OLFM2: variants seen among roughly 807,000 people sequenced by gnomAD.
The protein encoded by OLFM2 is olfactomedin 2.
In OLFM2, 20 loss-of-function variants were observed where a neutral mutation model predicts 43.9. The observed-to-expected ratio is 0.46, with a 90% confidence interval of 0.32 to 0.66. The LOEUF (loss-of-function observed/expected upper bound fraction) is 0.66. OLFM2 is among the 30% of genes least tolerant of loss of function. OLFM2 has a pLI of 0.04. For missense variants in OLFM2, 416 were observed against 643.6 expected, an observed-to-expected ratio of 0.65 and a Z score of 3.83; for synonymous variants, 268 against 278.6, an observed-to-expected ratio of 0.96 and a Z score of 0.38.
chr19:9,925,924 C>T (rs2086449546), intron 1 of OLFM2, among the ~76,000 whole-genome samples: 1 of 150,366 alleles, frequency 6.7e-6, no homozygotes, highest in Admixed American at 6.6e-5. Flanking sequence ...TGCTTCAGGC[C>T]AGGAGTTGAA....
chr19:9,928,818 G>A (rs890258811), intron 1 of OLFM2, among the ~76,000 whole-genome samples: 5 of 149,578 alleles, frequency 3.3e-5, no homozygotes, highest in South Asian at 2.1e-4. Flanking sequence ...AAAAAAAAAA[G>A]AGAGAAAGAG....
At chr19:9,927,443 C>T (rs895986486) in intron 1 of OLFM2, among the ~76,000 whole-genome samples, 2 of 152,126 alleles carry the variant, frequency 1.3e-5, no homozygotes. Context: ...TTCCCATTTC[C>T]AGAAACTTCC....
chr19:9,889,335 A>G (rs1405996930), intron 1 of OLFM2, among the ~76,000 whole-genome samples: 6 of 151,834 alleles, frequency 4.0e-5, no homozygotes, highest in East Asian at 1.9e-4. Flanking sequence ...CACAGTGTCA[A>G]TCTCCCAGGC....
At chr19:9,892,275 G>A (rs563241770) in intron 1 of OLFM2, among the ~76,000 whole-genome samples, 76 of 152,248 alleles carry the variant, frequency 5.0e-4, no homozygotes, top group Admixed American at 4.5e-3. Context: ...CCTATATGGA[G>A]TGGGGGCATC....
chr19:9,915,760 T>C lies in OLFM2; in HGVS notation c.63+20544A>G, dbSNP rs200034659. Among the ~76,000 whole-genome samples the C allele has an allele frequency of 3.0e-4, 45 of 151,680 alleles. No individual in the cohort carries two copies. The East Asian group carries it at 8.1e-3, about 27-fold the overall frequency. On this transcript the variant is annotated intron_variant, in intron 1 of 5. Coordinates refer to ENST00000264833, the MANE Select transcript of OLFM2 (RefSeq NM_058164.4). ...GTCTCAATCTCCTGACTTCGTGATC[T>C]GCCCACCTCGGCCTCCCAAAGTGCT... is the stretch of plus-strand genomic sequence containing the variant.
At chr19:9,865,972 A>T (rs552119084) in intron 1 of OLFM2, among the ~76,000 whole-genome samples, 5 of 152,268 alleles carry the variant, frequency 3.3e-5, no homozygotes, top group Admixed American at 2.6e-4. Flanking sequence ...CGTAATTAAC[A>T]TCTTCCTACA....
intron 1 of OLFM2, among the ~76,000 whole-genome samples, chr19:9,881,927 G>T (rs2046543155): frequency 6.6e-6 from 1 of 152,194 alleles, no homozygotes; most frequent in Non-Finnish European, 1.5e-5. Context: ...GTGAGGTACT[G>T]GGTGTTAAGA....
chr19:9,896,052 C>G (rs1430942345), intron 1 of OLFM2, among the ~76,000 whole-genome samples: 2 of 150,504 alleles, frequency 1.3e-5, no homozygotes, highest in Non-Finnish European at 3.0e-5. Context: ...CTGCTTTCAT[C>G]TGGTCTCCTC....
chr19:9,902,390 T>G (rs986064800), intron 1 of OLFM2, among the ~76,000 whole-genome samples: 1 of 143,848 alleles, frequency 7.0e-6, no homozygotes, highest in Non-Finnish European at 1.5e-5. Context: ...ATCTTTTTTT[T>G]TTTTTTTTTT....
chr19:9,931,602 G>A (rs2086482129), intron 1 of OLFM2, among the ~76,000 whole-genome samples: 1 of 151,058 alleles, frequency 6.6e-6, no homozygotes, highest in Non-Finnish European at 1.5e-5. Flanking sequence ...TCGGGAGGCT[G>A]AGGCACTAGA....
intron 1 of OLFM2, among the ~76,000 whole-genome samples, chr19:9,919,290 C>T (rs4804475): frequency 0.21 from 31,514 of 151,608 alleles, 3,381 homozygotes; most frequent in African/African-American, 0.24. Flanking sequence ...CCTCAGCCTC[C>T]GGAGTAGCTG....
intron 1 of OLFM2, chr19:9,913,531 G>A (rs2046846686): frequency 3.3e-6 from 4 of 1,205,802 alleles, no homozygotes; most frequent in South Asian, 2.9e-5. Context: ...TGAGCCCCAC[G>A]AGCGAGGGCA....
chr19:9,919,340 A>G (rs1018538023), intron 1 of OLFM2, among the ~76,000 whole-genome samples: 1 of 151,524 alleles, frequency 6.6e-6, no homozygotes, highest in Non-Finnish European at 1.5e-5. Context: ...AGAATTTTTT[A>G]TATTTTTAGT....
At chr19:9,916,782 T>C (rs1250635611) in intron 1 of OLFM2, among the ~76,000 whole-genome samples, 2 of 152,086 alleles carry the variant, frequency 1.3e-5, no homozygotes, top group African/African-American at 4.8e-5. Context: ...CTCCCCAACG[T>C]TTCCAAAACT....
intron 1 of OLFM2, among the ~76,000 whole-genome samples, chr19:9,919,817 CAG>C (rs1334554551): frequency 3.6e-5 from 4 of 111,866 alleles, no homozygotes; most frequent in African/African-American, 3.7e-5. Flanking sequence ...TTTTTTGAGA[CAG>C]AGTCTTGCTC....
chr19:9,929,305 T>C (rs999330673), intron 1 of OLFM2, among the ~76,000 whole-genome samples: 7 of 152,026 alleles, frequency 4.6e-5, no homozygotes, highest in African/African-American at 7.2e-5. Flanking sequence ...TCTAAATGAA[T>C]ACATGGGCCG....
intron 1 of OLFM2, among the ~76,000 whole-genome samples, chr19:9,916,837 C>T (rs2046879339): frequency 6.6e-6 from 1 of 152,158 alleles, no homozygotes; most frequent in Non-Finnish European, 1.5e-5. Flanking sequence ...ACCCTCATGC[C>T]AGTCCTCATT....
intron 1 of OLFM2, among the ~76,000 whole-genome samples, chr19:9,865,817 TAA>T (rs35276534): frequency 1.5e-4 from 19 of 124,102 alleles, no homozygotes; most frequent in East Asian, 6.9e-4. Context: ...ATCTCATTCT[TAA>T]AAAAAAAAAA....
Position 9,915,496 on chromosome 19 carries a change from T to TTTTATTTATTTA in OLFM2, c.63+20796_63+20807dup, listed in dbSNP as rs60485300. 6.5e-3 allele frequency among the ~76,000 whole-genome samples: 608 copies of TTTTATTTATTTA among 94,194 alleles called. 6 individuals are homozygous for TTTTATTTATTTA. The highest frequency in any genetic ancestry group is 0.012 in the Middle Eastern group (2 of 164). The allele number at this position is 94,194 out of a possible 152,430, so 61.8% of individuals were successfully genotyped here. On this transcript the variant is annotated intron_variant, in intron 1 of 5. Transcript: ENST00000264833. ...ACAGAGTGATTGGAGAAAGGGACTT[T>TTTTATTTATTTA]TTTATTTATTTATTTATTTATTTAT...
Sources: gnomAD v4.1 joint callset for allele counts (sites outside exome capture counted in the v4.1 genomes callset) on GRCh38, gnomAD v4.1.1 for gene constraint, MANE v1.5 for transcripts, NCBI Gene and HGNC (gene_info 2026-07-23, HGNC 2026-07-21) for gene names.